SMG1: variants seen among roughly 807,000 people sequenced by gnomAD.
The protein encoded by SMG1 is SMG1 nonsense mediated mRNA decay associated PI3K related kinase, also known as serine/threonine-protein kinase SMG1.
Under a neutral mutation model 419.9 loss-of-function variants are expected in SMG1, and 22 were observed. The observed-to-expected ratio is 0.05, with a 90% confidence interval of 0.04 to 0.07. The LOEUF (loss-of-function observed/expected upper bound fraction) is 0.07, where lower values mean the gene tolerates loss of function less well. SMG1 is among the 10% of genes least tolerant of loss of function. SMG1 has a pLI of 1.00. For synonymous variants in SMG1, 1,538 were observed against 1,553.5 expected (o/e 0.99, Z 0.23); for missense variants, 3,185 against 4,342.0 (o/e 0.73, Z 7.49).
intron 57 of SMG1, 64 bp downstream of exon 57, chr16:18,817,227 T>TA (rs2032095000): frequency 2.2e-6 from 3 of 1,385,670 alleles, no homozygotes; most frequent in Admixed American, 5.3e-5. Flanking sequence ...ATGTATATAT[T>TA]AAATTGATTT....
chr16:18,908,631 G>A (rs1219289512), intron 1 of SMG1, among the ~76,000 whole-genome samples: 2 of 152,114 alleles, frequency 1.3e-5, no homozygotes, highest in African/African-American at 4.8e-5. Flanking sequence ...TGTAATCCCA[G>A]CACTTTGGGA....
intron 1 of SMG1, among the ~76,000 whole-genome samples, chr16:18,917,204 G>A (rs2038016963): frequency 1.3e-5 from 2 of 152,072 alleles, no homozygotes; most frequent in African/African-American, 2.4e-5. Context: ...CCAGGCTGGA[G>A]TACAATGGCC....
chr16:18,855,411 T>G (rs1274576131), intron 29 of SMG1, among the ~76,000 whole-genome samples: 1 of 152,232 alleles, frequency 6.6e-6, no homozygotes, highest in Non-Finnish European at 1.5e-5. Flanking sequence ...TCTTTTCCTG[T>G]GTCTTCAATT....
chr16:18,815,586 C>G lies in SMG1; in HGVS notation c.10368G>C (p.Leu3456Phe). The G allele has an allele frequency of 9.3e-6, 15 of 1,613,968 alleles. No individual in the cohort carries two copies. The highest frequency in any genetic ancestry group is 1.3e-5 in the Non-Finnish European group (15 of 1,179,868). The change falls in exon 59 of 63, where the codon TTG (leucine) becomes TTC (phenylalanine). Residue 3456 changes from leucine to phenylalanine, a missense_variant. This residue lies in a region of SMG1 where 737 missense variants were observed against 846.6 expected (regional missense o/e 0.87). Coordinates refer to ENST00000446231, the MANE Select transcript of SMG1 (RefSeq NM_015092.5). Reference sequence around the variant, plus strand: ...TGTCTTGCCATGATTTATATTCACCCAAAAACTGCCTAACACTGTTCTCAT... The same window carrying G: ...TGTCTTGCCATGATTTATATTCACCGAAAAACTGCCTAACACTGTTCTCAT... ...VPYENSVRQF[L>F]GEYKSWQDNI...
intron 62 of SMG1, among the ~76,000 whole-genome samples, chr16:18,810,359 C>A (rs1192746091): frequency 1.3e-5 from 2 of 152,154 alleles, no homozygotes; most frequent in Non-Finnish European, 2.9e-5. Context: ...AATGGAGGCA[C>A]ATTCTGTAAA....
At chr16:18,868,862 T>C in intron 20 of SMG1, 143 bp from the exon 21 acceptor site, 1 of 654,674 alleles carries the variant, frequency 1.5e-6, no homozygotes, top group Non-Finnish European at 2.6e-6. Context: ...ACATGAAAGA[T>C]CTTTCATTTT....
At chr16:18,847,718 T>C (rs775726252) in intron 37 of SMG1, 98 bp downstream of exon 37, 13 of 1,570,082 alleles carry the variant, frequency 8.3e-6, no homozygotes, top group East Asian at 2.3e-5. Context: ...CATTATACAA[T>C]TGGAGAACCC....
At chr16:18,842,538 AT>A (rs2033983098) in intron 39 of SMG1, 84 bp from the exon 40 acceptor site, 1 of 1,402,358 alleles carries the variant, frequency 7.1e-7, no homozygotes, top group Non-Finnish European at 9.7e-7. Flanking sequence ...ATAAAAGTAA[AT>A]TTTAGGTCAC....
At chr16:18,880,150 C>T (rs1325402975) in intron 10 of SMG1, among the ~76,000 whole-genome samples, 2 of 152,310 alleles carry the variant, frequency 1.3e-5, no homozygotes, top group East Asian at 1.9e-4. Context: ...AGACAAGTCA[C>T]TTTAAGCTTA....
At chr16:18,830,887 A>G (rs957604405) in intron 51 of SMG1, among the ~76,000 whole-genome samples, 1 of 152,220 alleles carries the variant, frequency 6.6e-6, no homozygotes, top group African/African-American at 2.4e-5. Context: ...AATGACTGTT[A>G]TGTGATTAAA....
intron 1 of SMG1, among the ~76,000 whole-genome samples, chr16:18,923,322 A>G (rs572962890): frequency 2.0e-5 from 3 of 152,324 alleles, no homozygotes; most frequent in African/African-American, 7.2e-5. Context: ...AACTAACACT[A>G]AAAGAAATCA....
chr16:18,908,945 G>A (rs1428913497), intron 1 of SMG1, among the ~76,000 whole-genome samples: 1 of 151,856 alleles, frequency 6.6e-6, no homozygotes. Flanking sequence ...AATAACTGTA[G>A]TTATTCTGAT....
intron 1 of SMG1, among the ~76,000 whole-genome samples, chr16:18,917,757 A>G (rs1186318903): frequency 6.6e-6 from 1 of 151,032 alleles, no homozygotes; most frequent in Non-Finnish European, 1.5e-5. Flanking sequence ...TTGTATTTTT[A>G]GTAGAGACGG....
chr16:18,855,648 T>A (rs900552957), intron 29 of SMG1, among the ~76,000 whole-genome samples: 3 of 152,190 alleles, frequency 2.0e-5, no homozygotes, highest in African/African-American at 7.2e-5. Context: ...TGAAAGTACT[T>A]GGCCACCATC....
Position 18,816,323 on chromosome 16 carries a change from A to G in SMG1, c.10281T>C (p.His3427=). ...TTACCTTAGCCATAGCTTTCAAGAG[A>G]TGTTTGACATCTCCAAGCTGTCGGT... ...GHNRQLGDVK[H]LLKAMAKDEE... is the part of the protein sequence containing the mutation. Residue 3427 remains histidine, a synonymous_variant, in exon 58 of 63, where the codon CAT becomes CAC. Transcript: ENST00000446231. The G allele has an allele frequency of 6.2e-7, 1 of 1,613,752 alleles. No homozygotes were observed. The highest frequency in any genetic ancestry group is 1.1e-5 in the South Asian group (1 of 91,058).
intron 1 of SMG1, among the ~76,000 whole-genome samples, chr16:18,897,187 C>T (rs1235124880): frequency 6.6e-6 from 1 of 152,130 alleles, no homozygotes; most frequent in Admixed American, 6.5e-5. Flanking sequence ...TCTAAAGACC[C>T]ATTCAGAAAT....
At chr16:18,916,614 AAC>A (rs1366259732) in intron 1 of SMG1, among the ~76,000 whole-genome samples, 2 of 147,994 alleles carry the variant, frequency 1.4e-5, no homozygotes, top group African/African-American at 4.9e-5. Context: ...TACATTAAAA[AAC>A]ACACACAAAA....
intron 1 of SMG1, among the ~76,000 whole-genome samples, chr16:18,919,438 C>T (rs890570133): frequency 5.9e-5 from 9 of 151,628 alleles, no homozygotes; most frequent in African/African-American, 2.2e-4. Flanking sequence ...TCCTGGCTAA[C>T]ACGGTGAAAC....
chr16:18,837,624 G>A (rs1315462159), intron 45 of SMG1, among the ~76,000 whole-genome samples, 181 bp from the exon 46 acceptor site: 1 of 152,162 alleles, frequency 6.6e-6, no homozygotes, highest in Non-Finnish European at 1.5e-5. Context: ...TAAACTGACA[G>A]GCTCAATCTC....
Sources: gnomAD v4.1 joint callset for allele counts (sites outside exome capture counted in the v4.1 genomes callset) on GRCh38, gnomAD v4.1.1 for gene constraint, gnomAD v4.1.1 regional missense constraint, MANE v1.5 for transcripts, NCBI Gene and HGNC (gene_info 2026-07-23, HGNC 2026-07-21) for gene names.